Variants in KIAA0586 observed in about 807,000 individuals in gnomAD.
KIAA0586 encodes protein TALPID3.
Under a neutral mutation model 169.8 loss-of-function variants are expected in KIAA0586, and 144 were observed. The observed-to-expected ratio is 0.85, with a 90% CI of 0.74 to 0.97. The LOEUF is 0.97. Among genes scored for constraint, KIAA0586 ranks in the 50% least tolerant of loss-of-function variants. The probability of loss-of-function intolerance (pLI) is 0.00; values close to 1 mark genes in which losing one functional copy is unlikely to be tolerated. For missense variants in KIAA0586, 1,854 were observed against 1,823.0 expected (o/e 1.02, Z -0.31); for synonymous variants, 625 against 612.4 (o/e 1.02, Z -0.30).
intron 14 of KIAA0586, among the ~76,000 whole-genome samples, chr14:58,461,961 G>A (rs1313997256): frequency 6.6e-6 from 1 of 152,160 alleles, no homozygotes; most frequent in African/African-American, 2.4e-5. Flanking sequence ...CTTTGGTTAT[G>A]TATTATAGTT....
At chr14:58,516,221 G>A (rs2044743041) in intron 29 of KIAA0586, among the ~76,000 whole-genome samples, 1 of 152,200 alleles carries the variant, frequency 6.6e-6, no homozygotes, top group Non-Finnish European at 1.5e-5. Context: ...TGTGGGGAAA[G>A]GCAGAGAGTC....
At chr14:58,451,057 C>T (rs1281788653) in intron 8 of KIAA0586, among the ~76,000 whole-genome samples, 4 of 144,516 alleles carry the variant, frequency 2.8e-5, no homozygotes, top group African/African-American at 7.8e-5. Context: ...GGTGCGATCT[C>T]GGCTCACTGC....
intron 11 of KIAA0586, 32 bp downstream of exon 11, chr14:58,458,011 T>C: frequency 1.4e-6 from 2 of 1,393,322 alleles, no homozygotes; most frequent in South Asian, 1.3e-5. Flanking sequence ...GGGTTATTTA[T>C]GAGTCTGTCA....
chr14:58,452,712 G>A (rs1217103367), intron 8 of KIAA0586, among the ~76,000 whole-genome samples: 1 of 151,972 alleles, frequency 6.6e-6, no homozygotes, highest in Non-Finnish European at 1.5e-5. Context: ...GTATTTTTTT[G>A]TAGAGACAGG....
At position 58,493,360 on chromosome 14, in the gene KIAA0586, A is replaced by G. The variant is rs182629784; in HGVS notation, c.3990+1085A>G. 9.1e-4 allele frequency among the ~76,000 whole-genome samples: 139 copies of G among 152,302 alleles called. No homozygotes were observed. The Middle Eastern group carries it at 0.017, about 19-fold the overall frequency. On this transcript the variant is annotated intron_variant, in intron 26 of 30. Coordinates refer to ENST00000652326, the MANE Select transcript of KIAA0586 (RefSeq NM_001329943.3). ...GGAAACTAATGAGTTTGATATACAC[A>G]TTATATTTAAGGTGCTTAAGGAAAT...
At chr14:58,458,638 T>A (rs1025484942) in intron 12 of KIAA0586, 93 bp downstream of exon 12, 9 of 652,182 alleles carry the variant, frequency 1.4e-5, no homozygotes, top group Non-Finnish European at 2.0e-5. Context: ...TCAAAATATT[T>A]CTTATATAAA....
intron 29 of KIAA0586, among the ~76,000 whole-genome samples, chr14:58,534,774 T>C (rs1389310437): frequency 1.3e-5 from 2 of 152,250 alleles, no homozygotes; most frequent in Non-Finnish European, 2.9e-5. Flanking sequence ...TTTGGCTTAA[T>C]TTTATCATTG....
chr14:58,501,823 C>A (rs2043592197), intron 27 of KIAA0586, among the ~76,000 whole-genome samples: 1 of 152,068 alleles, frequency 6.6e-6, no homozygotes, highest in South Asian at 2.1e-4. Context: ...ACGAAATTAC[C>A]CCACATTTAA....
At chr14:58,515,877 A>G (rs1047929973) in intron 29 of KIAA0586, among the ~76,000 whole-genome samples, 6 of 151,736 alleles carry the variant, frequency 4.0e-5, no homozygotes, top group Non-Finnish European at 7.4e-5. Flanking sequence ...TGTCACTTTC[A>G]CCCTAACTAT....
the KIAA0586 span, among the ~76,000 whole-genome samples, chr14:58,556,697 T>C: frequency 2.6e-5 from 4 of 152,312 alleles, 1 homozygote. Flanking sequence ...GTTTCTTTTG[T>C]AAGTATAATA....
chr14:58,496,538 A>AT (rs2043169041), intron 26 of KIAA0586, among the ~76,000 whole-genome samples: 1 of 152,176 alleles, frequency 6.6e-6, no homozygotes, highest in South Asian at 2.1e-4. Context: ...TATGAACAGT[A>AT]TTTTTTAATT....
In KIAA0586 at chr14:58,538,920, C is replaced by T. The variant is rs529322997; in HGVS notation, c.4430-1151C>T. On this transcript the variant is annotated intron_variant, in intron 29 of 30. Transcript: ENST00000652326. ...TGAGCCTCCCAAGTAGCTGGGTCTACGGGCGCGAGCCACCACACCTGGCTA... is the reference window on the plus strand; with the variant it reads ...TGAGCCTCCCAAGTAGCTGGGTCTATGGGCGCGAGCCACCACACCTGGCTA... Among the ~76,000 whole-genome samples, 111 of 152,184 alleles carry T rather than the reference C, an allele frequency of 7.3e-4. No individual in the cohort carries two copies. In the South Asian group the frequency reaches 0.015, roughly 20 times the overall value.
At chr14:58,432,813 G>A (rs151154312) in intron 4 of KIAA0586, among the ~76,000 whole-genome samples, 5,638 of 152,224 alleles carry the variant, frequency 0.037, 146 homozygotes, top group Non-Finnish European at 0.055. Flanking sequence ...TGCCTCCCAG[G>A]TTCAAGCAAT....
chr14:58,466,579 A>AG, intron 15 of KIAA0586, among the ~76,000 whole-genome samples: 1 of 152,186 alleles, frequency 6.6e-6, no homozygotes, highest in East Asian at 1.9e-4. Flanking sequence ...CAAAAAAAAA[A>AG]ATTAGCTGGG....
At chr14:58,511,485 C>G (rs1390628626) in intron 28 of KIAA0586, among the ~76,000 whole-genome samples, 2 of 152,184 alleles carry the variant, frequency 1.3e-5, no homozygotes, top group Non-Finnish European at 2.9e-5. Context: ...GATTTGAACA[C>G]AGGCAGTTTA....
Position 58,488,038 on chromosome 14 carries a change from G to A in KIAA0586, c.3456G>A (p.Trp1152Ter). 1 of 1,610,748 alleles carries A rather than the reference G, an allele frequency of 6.2e-7. No homozygotes were observed. The highest frequency in any genetic ancestry group is 8.5e-7 in the Non-Finnish European group (1 of 1,178,586). Residue 1152 changes from tryptophan (W) to a stop codon, truncating the protein, a stop_gained, in exon 23 of 31, where the codon TGG (tryptophan) becomes TGA (stop). Transcript: ENST00000652326. LOFTEE classifies it high-confidence loss of function. ...KVSSPELPKP[W>*]GDGDLPLEEE... is the part of the protein sequence containing the mutation. ...CAAGCCCAGAGCTTCCCAAGCCATG[G>A]GGTGATGGAGACCTGCCACTGGAAG...
intron 26 of KIAA0586, among the ~76,000 whole-genome samples, chr14:58,498,020 G>A (rs1595382444): frequency 6.6e-6 from 1 of 151,854 alleles, no homozygotes; most frequent in South Asian, 2.1e-4. Context: ...TGGGACTACA[G>A]GTGCCTGCCA....
intron 27 of KIAA0586, among the ~76,000 whole-genome samples, chr14:58,506,109 A>G (rs545429953): frequency 1.3e-4 from 20 of 152,264 alleles, no homozygotes; most frequent in Admixed American, 3.3e-4. Flanking sequence ...TATCAGCAAA[A>G]GAGTTTTCAA....
At chr14:58,446,412 A>T (rs1249890113) in intron 6 of KIAA0586, among the ~76,000 whole-genome samples, 2 of 151,810 alleles carry the variant, frequency 1.3e-5, no homozygotes, top group Non-Finnish European at 2.9e-5. Context: ...CAGGGGAATC[A>T]CTTGAATCCG....
Sources: allele counts gnomAD v4.1 joint callset (sites outside exome capture counted in the v4.1 genomes callset), GRCh38; gene constraint gnomAD v4.1.1; transcripts MANE v1.5; gene names NCBI Gene and HGNC (gene_info 2026-07-23, HGNC 2026-07-21).